The following TARS1 variants were observed in gnomAD, a reference collection of about 807,000 sequenced individuals.
TARS1 encodes the protein threonyl-tRNA synthetase 1, also known as threonine--tRNA ligase 1, cytoplasmic.
In TARS1, 57 loss-of-function variants were observed where a neutral mutation model predicts 97.7. That is an observed-to-expected ratio of 0.58 (90% CI 0.47 to 0.73). The LOEUF (loss-of-function observed/expected upper bound fraction) is 0.73, where lower values mean the gene tolerates loss of function less well. TARS1 is among the 30% of genes least tolerant of loss of function. The probability of loss-of-function intolerance (pLI) is 0.00; values close to 1 mark genes in which losing one functional copy is unlikely to be tolerated. For missense variants in TARS1, 806 were observed against 888.3 expected, an observed-to-expected ratio of 0.91 and a Z score of 1.18; for synonymous variants, 312 against 293.7, an observed-to-expected ratio of 1.06 and a Z score of -0.64.
In TARS1 at chr5:33,461,897, G is replaced by T. The variant is rs1742310523; in HGVS notation, c.1630-9G>T. ...GGCATTTTATAATAACCCAGTCTTTGCTTCTTAGATTGACATACAGATTAA... is the reference window on the plus strand; with the variant it reads ...GGCATTTTATAATAACCCAGTCTTTTCTTCTTAGATTGACATACAGATTAA... On this transcript the variant is annotated splice_polypyrimidine_tract_variant and intron_variant, in intron 14 of 18. Coordinates refer to ENST00000265112, the MANE Select transcript of TARS1 (RefSeq NM_152295.5). 1 of 1,610,936 alleles carries T rather than the reference G, an allele frequency of 6.2e-7. No individual in the cohort carries two copies.
In TARS1 at chr5:33,445,356, A is replaced by G; in HGVS notation, c.90A>G (p.Gly30=). ...IGAGEEKQKE[G]GKKKNKEGSG... is the part of the protein sequence containing the mutation. ...CTGGTGAAGAGAAGCAAAAGGAAGG[A>G]GGCAAAAAGAAGAACAAAGAAGGAT... Residue 30 remains glycine, a synonymous_variant, in exon 2 of 19, where the codon GGA becomes GGG. Coordinates refer to ENST00000265112, the MANE Select transcript of TARS1 (RefSeq NM_152295.5). 1 of 1,613,304 alleles carries G rather than the reference A, an allele frequency of 6.2e-7. No individual in the cohort carries two copies. Among genetic ancestry groups the G allele is most frequent in the Non-Finnish European group, 8.5e-7 (1 of 1,179,458 alleles).
intron 3 of TARS1, among the ~76,000 whole-genome samples, chr5:33,449,746 C>T (rs112725208): frequency 2.2e-4 from 33 of 151,924 alleles, no homozygotes; most frequent in African/African-American, 7.0e-4. Context: ...TGACCCACCG[C>T]GCCCAGCCAA....
intron 4 of TARS1, among the ~76,000 whole-genome samples, chr5:33,453,759 A>G (rs1472411151): frequency 3.3e-5 from 5 of 151,262 alleles, no homozygotes; most frequent in Admixed American, 1.3e-4. Context: ...TTGCTTTGTC[A>G]CTCAGACTGT....
intron 1 of TARS1, among the ~76,000 whole-genome samples, chr5:33,443,006 G>A (rs1741190117): frequency 6.6e-6 from 1 of 152,100 alleles, no homozygotes; most frequent in South Asian, 2.1e-4. Context: ...TCCTGAGAAA[G>A]GTAATTCTGT....
At position 33,457,237 on chromosome 5, in the gene TARS1, T is replaced by TGG. The variant is rs768540886; in HGVS notation, c.838-19_838-18dup. Reference sequence around the variant, plus strand: ...GTTTACAAATTTGAATGTTGTTTCATGGTTAATCCTTGTTTTCAGAATTCC... The same window carrying TGG: ...GTTTACAAATTTGAATGTTGTTTCATGGGGTTAATCCTTGTTTTCAGAATTCC... On this transcript the variant is annotated intron_variant, in intron 8 of 18. Transcript: ENST00000265112. The TGG allele has an allele frequency of 6.2e-7, 1 of 1,606,898 alleles. No homozygotes were observed. Among genetic ancestry groups the TGG allele is most frequent in the Non-Finnish European group, 8.5e-7 (1 of 1,176,706 alleles).
intron 13 of TARS1, 113 bp downstream of exon 13, chr5:33,461,408 G>A (rs982273395): frequency 1.1e-4 from 155 of 1,424,640 alleles, no homozygotes; most frequent in Non-Finnish European, 1.3e-4. Context: ...ATTGGAAATG[G>A]TTCCTAGGTT....
intron 18 of TARS1, among the ~76,000 whole-genome samples, 172 bp from the exon 19 acceptor site, chr5:33,467,388 A>G (rs1742577898): frequency 6.6e-6 from 1 of 152,186 alleles, no homozygotes; most frequent in South Asian, 2.1e-4. Flanking sequence ...GTAGTTTTAG[A>G]TATTGCAAAG....
Position 33,441,083 on chromosome 5 carries a change from G to A in TARS1, c.-4G>A. ...GGGTTCTCTCATCGCTTCGTCGTTC[G>A]CCAATGTTTGAGGAGAAGGCCAGCA... On this transcript the variant is annotated 5_prime_UTR_variant, in exon 1 of 19. Coordinates refer to ENST00000265112, the MANE Select transcript of TARS1 (RefSeq NM_152295.5). 1.2e-6 allele frequency: 2 copies of A among 1,614,138 alleles called. No individual in the cohort carries two copies. Among genetic ancestry groups the A allele is most frequent in the Non-Finnish European group, 8.5e-7 (1 of 1,180,018 alleles).
chr5:33,454,530 A>T (rs982387400), intron 4 of TARS1, among the ~76,000 whole-genome samples: 3 of 152,188 alleles, frequency 2.0e-5, no homozygotes, highest in East Asian at 1.9e-4. Flanking sequence ...TTTCTAAGTG[A>T]TGTTCCATAG....
At chr5:33,450,531 A>G (rs1741682037) in intron 3 of TARS1, among the ~76,000 whole-genome samples, 1 of 152,222 alleles carries the variant, frequency 6.6e-6, no homozygotes, top group Admixed American at 6.5e-5. Context: ...CTTACTCCAA[A>G]GGAAGTAAAA....
chr5:33,443,034 C>T (rs1409739526), intron 1 of TARS1, among the ~76,000 whole-genome samples: 1 of 152,110 alleles, frequency 6.6e-6, no homozygotes, highest in South Asian at 2.1e-4. Flanking sequence ...CTTCACAATC[C>T]GGTTCTGTTT....
upstream of TARS1, chr5:33,440,702 G>T (rs540024378): frequency 4.4e-5 from 19 of 429,702 alleles, 1 homozygote; most frequent in African/African-American, 3.0e-4. Flanking sequence ...GTCCATGATT[G>T]TTCCACATAA....
chr5:33,466,434 A>G (rs1742531294), intron 17 of TARS1, among the ~76,000 whole-genome samples: 2 of 152,088 alleles, frequency 1.3e-5, no homozygotes, highest in Admixed American at 1.3e-4. Flanking sequence ...AGATTTATTC[A>G]GTTGAAGATC....
chr5:33,442,148 G>A (rs1022715787), intron 1 of TARS1, among the ~76,000 whole-genome samples: 5 of 152,130 alleles, frequency 3.3e-5, no homozygotes, highest in Non-Finnish European at 7.3e-5. Context: ...TCCCAAGTCT[G>A]TGACAGGACA....
intron 17 of TARS1, among the ~76,000 whole-genome samples, chr5:33,465,344 C>T (rs1742482612): frequency 6.6e-6 from 1 of 152,112 alleles, no homozygotes; most frequent in Non-Finnish European, 1.5e-5. Context: ...GGTGGCATTC[C>T]AGATTATGTG....
chr5:33,448,840 GT>G, intron 3 of TARS1, 109 bp downstream of exon 3: 1 of 920,500 alleles, frequency 1.1e-6, no homozygotes, highest in South Asian at 3.2e-5. Context: ...ACCATTCAGT[GT>G]TTTTAATCTG....
Position 33,467,985 on chromosome 5 carries a change from G to A in TARS1, c.*277G>A, listed in dbSNP as rs187475798. On this transcript the variant is annotated 3_prime_UTR_variant, in exon 19 of 19. Transcript: ENST00000265112. ...TGAGGAATGCTTTAGTGTAATGTGG[G>A]AGAACTTTTTTGTAAATTTAATGCA... 465 of 292,998 alleles carry A rather than the reference G, an allele frequency of 1.6e-3. 1 individual carries two copies. Among genetic ancestry groups the A allele is most frequent in the Admixed American group, 3.0e-3 (59 of 19,782 alleles). 18.1% of individuals were successfully genotyped at this position (292,998 alleles called of 1,614,324 possible). A position where few individuals can be genotyped will look rare whatever the true frequency, so the allele number is the denominator to read the frequency against.
Position 33,467,707 on chromosome 5 carries a change from A to C in TARS1, c.2171A>C (p.Ter724SerextTer1). Residue 724 changes from the stop codon to serine (S), a stop_lost, in exon 19 of 19, where the codon TAA (stop) becomes TCA (serine). Transcript: ENST00000265112. The part of the protein sequence containing the change: ...FRSKQAEEEF[*>S] ...AGCAAACAGGCAGAAGAAGAATTTT[A>C]ATGAAAAAATTACCCAGATTGGCTC... The C allele has an allele frequency of 6.2e-7, 1 of 1,608,172 alleles. No individual in the cohort carries two copies. Among genetic ancestry groups the C allele is most frequent in the East Asian group, 2.2e-5 (1 of 44,826 alleles).
At chr5:33,442,868 A>C (rs1741182802) in intron 1 of TARS1, among the ~76,000 whole-genome samples, 1 of 152,126 alleles carries the variant, frequency 6.6e-6, no homozygotes, top group African/African-American at 2.4e-5. Flanking sequence ...TACAGATGAG[A>C]AAGCAGGCGT....
Sources: gnomAD v4.1 joint callset for allele counts (sites outside exome capture counted in the v4.1 genomes callset) on GRCh38, gnomAD v4.1.1 for gene constraint, MANE v1.5 for transcripts, NCBI Gene and HGNC (gene_info 2026-07-23, HGNC 2026-07-21) for gene names.